SNTG1: variants seen among roughly 807,000 people sequenced by gnomAD.
SNTG1 encodes the protein gamma-1-syntrophin.
A neutral mutation model predicts 74.7 loss-of-function variants in SNTG1; 39 were observed. The ratio of observed to expected loss-of-function variants is 0.52; its 90% CI spans 0.40 to 0.68. SNTG1 has a LOEUF of 0.68. SNTG1 is among the 30% of genes least tolerant of loss of function. SNTG1 has a pLI of 0.00. For missense variants in SNTG1, 685 were observed against 609.5 expected (o/e 1.12, Z -1.30); for synonymous variants, 254 against 217.1 (o/e 1.17, Z -1.49).
chr8:50,375,622 T>C (rs531185921), intron 2 of SNTG1, among the ~76,000 whole-genome samples: 3 of 152,264 alleles, frequency 2.0e-5, no homozygotes, highest in Non-Finnish European at 2.9e-5. Flanking sequence ...GGGGATATTA[T>C]TCCCATGTAA....
At chr8:49,971,177 A>G (rs1811634428) in intron 1 of SNTG1, among the ~76,000 whole-genome samples, 1 of 152,214 alleles carries the variant, frequency 6.6e-6, no homozygotes, top group African/African-American at 2.4e-5. Context: ...CACCATGATC[A>G]AGAGGGCTTC....
In SNTG1 at chr8:50,152,283, T is replaced by G. The variant is rs181694476; in HGVS notation, c.-102-20278T>G. 3.5e-3 allele frequency among the ~76,000 whole-genome samples: 540 copies of G among 152,314 alleles called. 5 individuals are homozygous for G. The highest frequency in any genetic ancestry group is 0.012 in the African/African-American group (496 of 41,560). On this transcript the variant is annotated intron_variant, in intron 1 of 18. Coordinates refer to ENST00000642720, the MANE Select transcript of SNTG1 (RefSeq NM_018967.5). ...TGGTAGATCTTCCTCCATCTCTTTA[T>G]TTTGAGCCTATGTGTGTCTCTGCAC...
intron 15 of SNTG1, among the ~76,000 whole-genome samples, chr8:50,694,887 T>C (rs1229442903): frequency 6.9e-6 from 1 of 144,204 alleles, no homozygotes; most frequent in Non-Finnish European, 1.5e-5. Context: ...TCTTTTATAA[T>C]TAAAAAAAAA....
intron 13 of SNTG1, among the ~76,000 whole-genome samples, chr8:50,596,621 A>G (rs985164794): frequency 2.6e-5 from 4 of 152,012 alleles, no homozygotes; most frequent in African/African-American, 9.7e-5. Flanking sequence ...CTGGACTCCA[A>G]ATGCTGTTGC....
At chr8:49,983,030 C>T (rs561332071) in intron 1 of SNTG1, among the ~76,000 whole-genome samples, 1 of 152,264 alleles carries the variant, frequency 6.6e-6, no homozygotes, top group African/African-American at 2.4e-5. Flanking sequence ...ACCAATGAAC[C>T]TTTATAAATG....
intron 1 of SNTG1, among the ~76,000 whole-genome samples, chr8:50,039,862 C>G (rs945762178): frequency 6.6e-6 from 1 of 152,134 alleles, no homozygotes; most frequent in Non-Finnish European, 1.5e-5. Context: ...ACTGAACTTG[C>G]TAATGATTGA....
chr8:50,391,313 C>T (rs2092655856), intron 2 of SNTG1, among the ~76,000 whole-genome samples: 1 of 152,260 alleles, frequency 6.6e-6, no homozygotes, highest in Non-Finnish European at 1.5e-5. Flanking sequence ...GTCTTTGCTG[C>T]ATTTATTGAG....
At chr8:50,181,496 T>A (rs937094418) in intron 2 of SNTG1, among the ~76,000 whole-genome samples, 5 of 152,198 alleles carry the variant, frequency 3.3e-5, no homozygotes, top group Non-Finnish European at 7.3e-5. Flanking sequence ...AGCAGAGTTT[T>A]TCAGGTGCTA....
intron 17 of SNTG1, among the ~76,000 whole-genome samples, chr8:50,737,463 A>G (rs2095531826): frequency 6.6e-6 from 1 of 152,060 alleles, no homozygotes; most frequent in African/African-American, 2.4e-5. Context: ...GATTCACAGC[A>G]GAATTCAACC....
rs1337767483 is a variant in SNTG1 at position 50,266,644 on chromosome 8, TTATGTGTG to T, written c.-28+94011_-28+94018del. 5.4e-4 allele frequency among the ~76,000 whole-genome samples: 70 copies of T among 130,058 alleles called. 1 individual carries two copies. Among genetic ancestry groups the T allele is most frequent in the East Asian group, 1.3e-3 (6 of 4,500 alleles). 85.3% of individuals were successfully genotyped at this position (130,058 alleles called of 152,430 possible). A position where few individuals can be genotyped will look rare whatever the true frequency, so the allele number is the denominator to read the frequency against. On this transcript the variant is annotated intron_variant, in intron 2 of 18. Coordinates refer to ENST00000642720, the MANE Select transcript of SNTG1 (RefSeq NM_018967.5). The stretch of plus-strand genomic sequence containing the variant: ...CACAACAGAAGTGAAAGACACAGAA[TTATGTGTG>T]TGTGTGTGTGTGTGTGTGTGTGTGT...
At chr8:50,270,805 A>T (rs1466387651) in intron 2 of SNTG1, among the ~76,000 whole-genome samples, 2 of 152,208 alleles carry the variant, frequency 1.3e-5, no homozygotes, top group Admixed American at 1.3e-4. Flanking sequence ...AGACCTAAAA[A>T]CAAAGAGCTG....
At chr8:50,597,338 T>TAC (rs1184645167) in intron 13 of SNTG1, among the ~76,000 whole-genome samples, 1 of 146,108 alleles carries the variant, frequency 6.8e-6, no homozygotes, top group East Asian at 2.0e-4. Context: ...CACATATATA[T>TAC]ACATATATAC....
rs76082435 is a variant in SNTG1 at position 49,963,318 on chromosome 8, T to C, written c.-103+51087T>C. ...TTCAAATAAACAGGAGATCAGAAAC[T>C]AGTGTTGGAAAATGTCTTTTGGCAC... is the stretch of plus-strand genomic sequence containing the variant. On this transcript the variant is annotated intron_variant, in intron 1 of 18. Transcript: ENST00000642720. Among the ~76,000 whole-genome samples the C allele has an allele frequency of 1.6e-3, 238 of 152,292 alleles. 2 individuals are homozygous for C. The East Asian group carries it at 0.043, about 27-fold the overall frequency.
At chr8:50,687,060 G>A (rs1250397349) in intron 15 of SNTG1, among the ~76,000 whole-genome samples, 15 of 151,100 alleles carry the variant, frequency 9.9e-5, no homozygotes, top group Admixed American at 2.0e-4. Context: ...GCGTGAACCC[G>A]GGAAGCGGAG....
chr8:50,391,557 C>T (rs1174953509), intron 2 of SNTG1, among the ~76,000 whole-genome samples: 2 of 152,108 alleles, frequency 1.3e-5, no homozygotes, highest in Admixed American at 1.3e-4. Context: ...CTCTGCCAGA[C>T]TTTGTTATCA....
chr8:50,030,735 C>T (rs1817674084), intron 1 of SNTG1, among the ~76,000 whole-genome samples: 1 of 151,934 alleles, frequency 6.6e-6, no homozygotes, highest in Non-Finnish European at 1.5e-5. Context: ...ACCACAAAAT[C>T]CTGATTAGTG....
At chr8:50,473,221 A>C (rs906656148) in intron 8 of SNTG1, among the ~76,000 whole-genome samples, 6 of 152,132 alleles carry the variant, frequency 3.9e-5, no homozygotes, top group Non-Finnish European at 1.5e-5. Flanking sequence ...GATTTTATAA[A>C]GGGCTCTTTC....
At chr8:50,372,760 G>A (rs1035099426) in intron 2 of SNTG1, among the ~76,000 whole-genome samples, 1 of 152,014 alleles carries the variant, frequency 6.6e-6, no homozygotes, top group Non-Finnish European at 1.5e-5. Context: ...ATGAAACTCA[G>A]TACGCAGTGC....
rs185326660 is a variant in SNTG1 at position 50,319,139 on chromosome 8, G to A, written c.-27-75073G>A. Among the ~76,000 whole-genome samples the A allele has an allele frequency of 1.2e-4, 19 of 152,092 alleles. No individual in the cohort carries two copies. In the East Asian group the frequency reaches 2.9e-3, roughly 23 times the overall value. On this transcript the variant is annotated intron_variant, in intron 2 of 18. Coordinates refer to ENST00000642720, the MANE Select transcript of SNTG1 (RefSeq NM_018967.5). The stretch of plus-strand genomic sequence containing the variant: ...TATAGGAAAGCCAAGACAAAGGCTC[G>A]ATTCTATTTATTTAACGATTTTTGG...
Sources: gnomAD v4.1 joint callset for allele counts (sites outside exome capture counted in the v4.1 genomes callset) on GRCh38, gnomAD v4.1.1 for gene constraint, MANE v1.5 for transcripts, NCBI Gene and HGNC (gene_info 2026-07-23, HGNC 2026-07-21) for gene names.